The following FAM83B variants were observed in gnomAD, a reference collection of about 807,000 sequenced individuals.
The protein encoded by FAM83B is protein FAM83B.
Under a neutral mutation model 38.8 loss-of-function variants are expected in FAM83B, and 26 were observed. The ratio of observed to expected loss-of-function variants is 0.67; its 90% confidence interval spans 0.49 to 0.93. The LOEUF (loss-of-function observed/expected upper bound fraction) is 0.93. Among genes scored for constraint, FAM83B ranks in the 40% least tolerant of loss-of-function variants. FAM83B has a pLI of 0.00. For synonymous variants in FAM83B, 419 were observed against 423.1 expected, an observed-to-expected ratio of 0.99 and a Z score of 0.12; for missense variants, 1,237 against 1,197.3, an observed-to-expected ratio of 1.03 and a Z score of -0.49.
At chr6:54,905,498 C>T (rs1266138713) in intron 2 of FAM83B, among the ~76,000 whole-genome samples, 4 of 151,972 alleles carry the variant, frequency 2.6e-5, no homozygotes, top group African/African-American at 7.2e-5. Flanking sequence ...CTATTTTTTT[C>T]GTGGTAAGAA....
At chr6:54,919,013 C>T (rs1773108970) in intron 2 of FAM83B, among the ~76,000 whole-genome samples, 1 of 152,140 alleles carries the variant, frequency 6.6e-6, no homozygotes, top group Non-Finnish European at 1.5e-5. Flanking sequence ...GACCCTCCAA[C>T]ATCTTGGCTT....
At chr6:54,918,714 T>C (rs1773101862) in intron 2 of FAM83B, among the ~76,000 whole-genome samples, 1 of 152,092 alleles carries the variant, frequency 6.6e-6, no homozygotes, top group Admixed American at 6.6e-5. Flanking sequence ...CAAGCTGAGA[T>C]TTGGATGGAG....
chr6:54,879,376 C>T (rs907773017), intron 2 of FAM83B, among the ~76,000 whole-genome samples: 1 of 152,166 alleles, frequency 6.6e-6, no homozygotes, highest in African/African-American at 2.4e-5. Flanking sequence ...AGATTATCTA[C>T]CCTGCTGAGA....
At chr6:54,914,715 C>A (rs1772995386) in intron 2 of FAM83B, among the ~76,000 whole-genome samples, 1 of 152,148 alleles carries the variant, frequency 6.6e-6, no homozygotes, top group Non-Finnish European at 1.5e-5. Flanking sequence ...AAAAATTTCT[C>A]ATAAACTGTT....
intron 2 of FAM83B, among the ~76,000 whole-genome samples, chr6:54,899,236 G>T (rs1772603592): frequency 6.6e-6 from 1 of 152,104 alleles, no homozygotes; most frequent in Non-Finnish European, 1.5e-5. Context: ...TATTATTTTT[G>T]AAGGGTGTTA....
intron 2 of FAM83B, among the ~76,000 whole-genome samples, chr6:54,906,421 G>A (rs1581914240): frequency 6.6e-6 from 1 of 152,028 alleles, no homozygotes; most frequent in Non-Finnish European, 1.5e-5. Flanking sequence ...GTCTCACTCT[G>A]TTGCCCAGGC....
chr6:54,855,610 A>G (rs1771428869), intron 1 of FAM83B, among the ~76,000 whole-genome samples: 1 of 152,152 alleles, frequency 6.6e-6, no homozygotes, highest in African/African-American at 2.4e-5. Flanking sequence ...GAGTGGCTTT[A>G]CTCCCATTTA....
At chr6:54,918,081 G>T (rs1281037337) in intron 2 of FAM83B, among the ~76,000 whole-genome samples, 1 of 152,004 alleles carries the variant, frequency 6.6e-6, no homozygotes, top group Non-Finnish European at 1.5e-5. Context: ...GAGAATGAAG[G>T]AAAATAGTCA....
chr6:54,849,431 T>G (rs1771213195), intron 1 of FAM83B, among the ~76,000 whole-genome samples: 1 of 121,818 alleles, frequency 8.2e-6, no homozygotes, highest in African/African-American at 3.3e-5. Context: ...TACGTGGAGG[T>G]GAGGTGGAGT....
chr6:54,868,674 A>G (rs561496068), intron 1 of FAM83B, among the ~76,000 whole-genome samples: 65 of 152,278 alleles, frequency 4.3e-4, no homozygotes, highest in Non-Finnish European at 8.7e-4. Flanking sequence ...AGATGCTGCC[A>G]TCCCCAAAGT....
intron 2 of FAM83B, among the ~76,000 whole-genome samples, chr6:54,900,917 C>T (rs759276552): frequency 6.6e-6 from 1 of 152,088 alleles, no homozygotes; most frequent in African/African-American, 2.4e-5. Flanking sequence ...AGCAGGCACG[C>T]GTGGGCTCAA....
intron 2 of FAM83B, among the ~76,000 whole-genome samples, chr6:54,900,851 G>A (rs1250070773): frequency 1.8e-4 from 28 of 152,164 alleles, no homozygotes. Flanking sequence ...GAAAGGCTGG[G>A]AAATGTGGGC....
chr6:54,922,165 CT>C (rs1477441934), intron 2 of FAM83B, among the ~76,000 whole-genome samples: 7 of 152,010 alleles, frequency 4.6e-5, no homozygotes. Context: ...ACTTCAATTA[CT>C]TTTTGCAAAC....
chr6:54,939,609 T>C, intron 4 of FAM83B, 97 bp from the exon 5 acceptor site: 1 of 1,148,378 alleles, frequency 8.7e-7, no homozygotes, highest in Non-Finnish European at 1.2e-6. Context: ...CAAAGAAAAG[T>C]ACAAAAACAT....
intron 2 of FAM83B, among the ~76,000 whole-genome samples, chr6:54,879,162 C>T (rs555763405): frequency 1.3e-5 from 2 of 152,266 alleles, no homozygotes; most frequent in South Asian, 2.1e-4. Flanking sequence ...CAGTCACTGA[C>T]ATCTGGCAAC....
chr6:54,907,742 G>C (rs969719570), intron 2 of FAM83B, among the ~76,000 whole-genome samples: 3 of 151,982 alleles, frequency 2.0e-5, no homozygotes, highest in Non-Finnish European at 2.9e-5. Context: ...TGTTCCATGC[G>C]AGGTTCTGGT....
intron 2 of FAM83B, among the ~76,000 whole-genome samples, chr6:54,872,479 T>C (rs1313464412): frequency 6.6e-6 from 1 of 152,200 alleles, no homozygotes; most frequent in Non-Finnish European, 1.5e-5. Context: ...TGAAATCCAT[T>C]TTTGAAAATA....
rs528214505 is a variant in FAM83B, at chr6:54,884,706, T to C, written c.444+14016T>C. Among the ~76,000 whole-genome samples, 4 of 152,204 alleles carry C rather than the reference T, an allele frequency of 2.6e-5. No homozygotes were observed. In the South Asian group the frequency reaches 8.3e-4, roughly 32 times the overall value. ...CTAATTCCATTGATTTACTTATCATTGCTGTGCCAAAACCACAGTGTCTTG... is the reference window on the plus strand; with the variant it reads ...CTAATTCCATTGATTTACTTATCATCGCTGTGCCAAAACCACAGTGTCTTG... On this transcript the variant is annotated intron_variant, in intron 2 of 4. Transcript: ENST00000306858.
rs142826717 is a variant in FAM83B at position 54,941,341 on chromosome 6, C to T, written c.2370C>T (p.Ser790=). 215 of 1,612,592 alleles carry T rather than the reference C, an allele frequency of 1.3e-4. 2 individuals are homozygous for T. The highest frequency in any genetic ancestry group is 1.7e-4 in the Non-Finnish European group (200 of 1,179,706). The change falls in exon 5 of 5, where the codon TCC becomes TCT. Residue 790 remains serine, a synonymous_variant. Coordinates refer to ENST00000306858, the MANE Select transcript of FAM83B (RefSeq NM_001010872.3). The stretch of plus-strand genomic sequence containing the variant: ...CCCCAGATAAGAAAGAAAATCTATC[C>T]AAAAATAAAGCACCTGCCTTTTATA... The part of the protein sequence containing the change: ...SLTPDKKENL[S]KNKAPAFYRL...
Sources: gnomAD v4.1 joint callset for allele counts (sites outside exome capture counted in the v4.1 genomes callset) on GRCh38, gnomAD v4.1.1 for gene constraint, MANE v1.5 for transcripts, NCBI Gene and HGNC (gene_info 2026-07-23, HGNC 2026-07-21) for gene names.